The following HAO1 variants were observed in gnomAD, a reference collection of about 807,000 sequenced individuals.
HAO1 encodes 2-Hydroxyacid oxidase 1.
In HAO1, 34 loss-of-function variants were observed where a neutral mutation model predicts 39.7. That is an observed-to-expected ratio of 0.86 (90% CI 0.65 to 1.14). The LOEUF (loss-of-function observed/expected upper bound fraction) is 1.14, where lower values mean the gene tolerates loss of function less well. Ranked by LOEUF, HAO1 falls within the 50% of genes most tolerant of loss-of-function variation. The pLI is 0.00. For synonymous variants in HAO1, 172 were observed against 173.2 expected, an observed-to-expected ratio of 0.99 and a Z score of 0.05; for missense variants, 479 against 464.5, an observed-to-expected ratio of 1.03 and a Z score of -0.29.
intron 5 of HAO1, among the ~76,000 whole-genome samples, chr20:7,893,997 C>G (rs2122755063): frequency 6.6e-6 from 1 of 152,290 alleles, no homozygotes; most frequent in African/African-American, 2.4e-5. Flanking sequence ...AGGCTTATCA[C>G]ACTGCAAAGA....
At chr20:7,898,595 T>C (rs368081435) in intron 4 of HAO1, among the ~76,000 whole-genome samples, 1 of 152,292 alleles carries the variant, frequency 6.6e-6, no homozygotes, top group East Asian at 1.9e-4. Context: ...CTCAATGGAC[T>C]ACCATAGAAC....
intron 3 of HAO1, among the ~76,000 whole-genome samples, chr20:7,910,923 A>G (rs543150734): frequency 2.0e-4 from 30 of 152,040 alleles, no homozygotes; most frequent in African/African-American, 7.2e-4. Flanking sequence ...TTGCATCTCT[A>G]CCATCAATTT....
At chr20:7,912,673 G>C (rs2050285650) in intron 3 of HAO1, among the ~76,000 whole-genome samples, 2 of 152,024 alleles carry the variant, frequency 1.3e-5, no homozygotes, top group South Asian at 4.1e-4. Context: ...TGACGAATTT[G>C]GCAAGGAGTA....
chr20:7,910,418 T>C (rs2050273607), intron 3 of HAO1, among the ~76,000 whole-genome samples: 1 of 152,180 alleles, frequency 6.6e-6, no homozygotes, highest in African/African-American at 2.4e-5. Context: ...TATATTACAG[T>C]TCCAAATGTC....
At chr20:7,936,876 T>G (rs1158473455) in intron 1 of HAO1, among the ~76,000 whole-genome samples, 1 of 152,110 alleles carries the variant, frequency 6.6e-6, no homozygotes, top group Non-Finnish European at 1.5e-5. Flanking sequence ...CTATGTCAGA[T>G]AGCTCACTAG....
chr20:7,885,052 G>A (rs2122744830), intron 7 of HAO1, among the ~76,000 whole-genome samples: 1 of 152,264 alleles, frequency 6.6e-6, no homozygotes, highest in South Asian at 2.1e-4. Flanking sequence ...GAAAAGAAGA[G>A]TCAAGAATGA....
chr20:7,926,055 G>GTT (rs1277219589), intron 2 of HAO1, among the ~76,000 whole-genome samples: 1 of 152,108 alleles, frequency 6.6e-6, no homozygotes, highest in African/African-American at 2.4e-5. Context: ...ACGGATGTGT[G>GTT]TTTGTGTGTG....
chr20:7,938,279 C>T (rs1232393425), intron 1 of HAO1, among the ~76,000 whole-genome samples: 1 of 152,024 alleles, frequency 6.6e-6, no homozygotes, highest in Non-Finnish European at 1.5e-5. Flanking sequence ...CCTAGCGAGT[C>T]ATACAGCAAA....
chr20:7,921,027 T>C (rs971819670), intron 2 of HAO1, among the ~76,000 whole-genome samples: 3 of 151,582 alleles, frequency 2.0e-5, no homozygotes, highest in Non-Finnish European at 4.4e-5. Context: ...AGAAAATATT[T>C]GTAAAGTGTA....
intron 2 of HAO1, among the ~76,000 whole-genome samples, chr20:7,924,904 A>G (rs776918574): frequency 6.6e-6 from 1 of 152,170 alleles, no homozygotes; most frequent in African/African-American, 2.4e-5. Context: ...TCATCTGCAC[A>G]GGAAGTCATT....
At chr20:7,931,915 A>T (rs948281379) in intron 2 of HAO1, among the ~76,000 whole-genome samples, 15 of 152,162 alleles carry the variant, frequency 9.9e-5, no homozygotes, top group Admixed American at 3.9e-4. Context: ...AGGGACAGAA[A>T]CACCTGTCAA....
intron 2 of HAO1, among the ~76,000 whole-genome samples, chr20:7,929,936 A>C (rs1313851071): frequency 6.6e-6 from 1 of 152,184 alleles, no homozygotes; most frequent in Non-Finnish European, 1.5e-5. Context: ...CAGTTGTGAG[A>C]GGAAGGGCAG....
At chr20:7,893,258 T>C (rs1290548204) in intron 5 of HAO1, among the ~76,000 whole-genome samples, 1 of 152,184 alleles carries the variant, frequency 6.6e-6, no homozygotes, top group East Asian at 1.9e-4. Context: ...GACTCCATCT[T>C]GATTCTAACG....
chr20:7,906,697 A>C (rs1381832112), intron 3 of HAO1, among the ~76,000 whole-genome samples: 2 of 152,234 alleles, frequency 1.3e-5, no homozygotes. Flanking sequence ...TCACAATTTA[A>C]AAAGCATTTT....
chr20:7,906,377 C>T lies in HAO1; in HGVS notation c.546-48G>A, dbSNP rs186542696. 7.9e-5 allele frequency: 85 copies of T among 1,074,398 alleles called. No homozygotes were observed. The South Asian group carries it at 8.8e-4, about 11-fold the overall frequency. 66.6% of individuals were successfully genotyped at this position (1,074,398 alleles called of 1,614,324 possible). A position where few individuals can be genotyped will look rare whatever the true frequency, so the allele number is the denominator to read the frequency against. On this transcript the variant is annotated intron_variant, in intron 3 of 7. Transcript: ENST00000378789. ...TGAGAAATTTGCCAAATTAGAAATA[C>T]GTTTCCAATGATTCATTCAATGAAA...
At chr20:7,940,134 A>C in intron 1 of HAO1, 152 bp downstream of exon 1, 1 of 546,672 alleles carries the variant, frequency 1.8e-6, no homozygotes, top group South Asian at 4.7e-5. Context: ...TAAAGGCCCA[A>C]GATTTCTTAC....
chr20:7,927,350 C>T (rs1350260034), intron 2 of HAO1, among the ~76,000 whole-genome samples: 2 of 151,572 alleles, frequency 1.3e-5, no homozygotes, highest in Non-Finnish European at 2.9e-5. Context: ...ATTTTGTATC[C>T]TTCTTTAAAG....
chr20:7,915,745 T>C (rs2050304018), intron 2 of HAO1, among the ~76,000 whole-genome samples: 1 of 152,122 alleles, frequency 6.6e-6, no homozygotes, highest in South Asian at 2.1e-4. Context: ...TAGAAAAATG[T>C]TTATGATATA....
chr20:7,898,448 A>G (rs767189498), intron 4 of HAO1, among the ~76,000 whole-genome samples: 23 of 152,104 alleles, frequency 1.5e-4, no homozygotes, highest in Non-Finnish European at 2.6e-4. Context: ...ACATATTTGC[A>G]TTTCTGTACT....
Sources: allele counts gnomAD v4.1 joint callset (sites outside exome capture counted in the v4.1 genomes callset), GRCh38; gene constraint gnomAD v4.1.1; transcripts MANE v1.5; gene names NCBI Gene and HGNC (gene_info 2026-07-23, HGNC 2026-07-21).